The following TMEM94 variants were observed in gnomAD, a reference collection of about 807,000 sequenced individuals.
TMEM94 encodes ER Mg2+ ATPase.
Under a neutral mutation model 158.6 loss-of-function variants are expected in TMEM94, and 81 were observed. The observed-to-expected ratio is 0.51, with a 90% CI of 0.43 to 0.61. The LOEUF (loss-of-function observed/expected upper bound fraction) is 0.61. TMEM94 is among the 20% of genes least tolerant of loss of function. TMEM94 has a pLI of 0.00. For missense variants in TMEM94, 1,435 were observed against 1,762.0 expected (o/e 0.81, Z 3.32); for synonymous variants, 751 against 730.7 (o/e 1.03, Z -0.45).
Position 75,489,963 on chromosome 17 carries a change from C to T in TMEM94, c.955-271C>T. 2 of 567,904 alleles carry T rather than the reference C, an allele frequency of 3.5e-6. No individual in the cohort carries two copies. The highest frequency in any genetic ancestry group is 6.3e-6 in the Non-Finnish European group (2 of 319,078). 35.2% of individuals were successfully genotyped at this position (567,904 alleles called of 1,614,324 possible). A position where few individuals can be genotyped will look rare whatever the true frequency, so the allele number is the denominator to read the frequency against. On this transcript the variant is annotated intron_variant, in intron 9 of 31. Transcript: ENST00000314256. The surrounding 1 kb of genome is among the most constrained non-coding windows in gnomAD (Gnocchi z 5.0). ...GCGTGGTGGCACGTGCCTGTGGTCCCAGCCATTCAGGTGGCTGAGGTGGGA... is the reference window on the plus strand; with the variant it reads ...GCGTGGTGGCACGTGCCTGTGGTCCTAGCCATTCAGGTGGCTGAGGTGGGA...
chr17:75,478,150 G>A (rs1268820094), intron 2 of TMEM94, among the ~76,000 whole-genome samples: 1 of 127,146 alleles, frequency 7.9e-6, no homozygotes, highest in African/African-American at 2.9e-5. Context: ...CAAGTAGCTG[G>A]GACGACAGGC....
At chr17:75,476,167 G>A (rs944945222) in intron 2 of TMEM94, among the ~76,000 whole-genome samples, 1 of 152,138 alleles carries the variant, frequency 6.6e-6, no homozygotes, top group African/African-American at 2.4e-5. Flanking sequence ...CAGGTAGTTT[G>A]GGAAGAGAGC....
Position 75,496,796 on chromosome 17 carries a change from G to A in TMEM94, c.3310G>A (p.Val1104Met). Residue 1104 changes from valine (V) to methionine (M), a missense_variant, in exon 25 of 32, where the codon GTG becomes ATG. By Grantham distance (21) the Val-to-Met change is conservative. Coordinates refer to ENST00000314256, the MANE Select transcript of TMEM94 (RefSeq NM_014738.6). The part of the protein sequence containing the change: ...LFLLQCQLTL[V>M]VIQFLSCLVQ... ...CCTGCTGCAGTGCCAGCTGACTCTT[G>A]TGGTCATCCAGGTGAGGTGGGGCCC... The A allele has an allele frequency of 2.5e-6, 4 of 1,613,720 alleles. No individual in the cohort carries two copies. The highest frequency in any genetic ancestry group is 1.3e-5 in the African/African-American group (1 of 75,050).
At position 75,494,920 on chromosome 17, in the gene TMEM94, G is replaced by A. The variant is rs2052540761; in HGVS notation, c.2614G>A (p.Glu872Lys). ...GGTGTTTGCAGAAAAAATGGGCCTGGAGACAGGCTGGAACTGCCACATCTC... is the reference window on the plus strand; with the variant it reads ...GGTGTTTGCAGAAAAAATGGGCCTGAAGACAGGCTGGAACTGCCACATCTC... ...SKVFAEKMGL[E>K]TGWNCHISLT... The change falls in exon 20 of 32, where the codon GAG (glutamate) becomes AAG (lysine). Residue 872 changes from glutamate to lysine, a missense_variant. Coordinates refer to ENST00000314256, the MANE Select transcript of TMEM94 (RefSeq NM_014738.6). 6.2e-7 allele frequency: 1 copy of A among 1,613,398 alleles called. No homozygotes were observed.
rs761375727 is a variant in TMEM94 at position 75,492,918 on chromosome 17, C to T, written c.1913-11C>T. The T allele has an allele frequency of 2.5e-6, 4 of 1,607,842 alleles. No individual in the cohort carries two copies. The African/African-American group carries it at 4.0e-5, about 16-fold the overall frequency. ...GGGCATGGCCCTAAGTTCCTGTTCC[C>T]CGCCCTGCAGGCTTCACTCCTGGGG... is the stretch of plus-strand genomic sequence containing the variant. On this transcript the variant is annotated splice_polypyrimidine_tract_variant and intron_variant, in intron 15 of 31. Coordinates refer to ENST00000314256, the MANE Select transcript of TMEM94 (RefSeq NM_014738.6). The surrounding 1 kb of genome is among the most constrained non-coding windows in gnomAD (Gnocchi z 4.4).
intron 1 of TMEM94, among the ~76,000 whole-genome samples, chr17:75,463,650 T>C (rs2050190381): frequency 6.6e-6 from 1 of 152,180 alleles, no homozygotes; most frequent in Non-Finnish European, 1.5e-5. Flanking sequence ...TTTGTGGTAG[T>C]TTTATACAGT....
At position 75,495,255 on chromosome 17, in the gene TMEM94, A is replaced by C; in HGVS notation, c.2729-29A>C. 1 of 1,549,530 alleles carries C rather than the reference A, an allele frequency of 6.5e-7. No homozygotes were observed. The highest frequency in any genetic ancestry group is 8.8e-7 in the Non-Finnish European group (1 of 1,133,718). Reference sequence around the variant, plus strand: ...ACAGGTTCCCAGAAGGCTGGTCCCAAGGTGAGGGAGAGGCTTTTGTCCCCA... The same window carrying C: ...ACAGGTTCCCAGAAGGCTGGTCCCACGGTGAGGGAGAGGCTTTTGTCCCCA... On this transcript the variant is annotated intron_variant, in intron 20 of 31. Transcript: ENST00000314256. This position sits in a 1 kb window ranked among gnomAD's most constrained non-coding sequence, Gnocchi z 5.6.
intron 1 of TMEM94, among the ~76,000 whole-genome samples, chr17:75,458,065 T>C (rs2049948000): frequency 6.6e-6 from 1 of 152,184 alleles, no homozygotes; most frequent in Admixed American, 6.5e-5. Context: ...TAATATTCAT[T>C]GTAGTCTCTG....
In TMEM94 at chr17:75,499,277, CCAGAAGCGA is replaced by C. The variant is rs1199780221; in HGVS notation, c.4022_4030del (p.Arg1341_Lys1343del). 6.2e-7 allele frequency: 1 copy of C among 1,613,702 alleles called. No individual in the cohort carries two copies. The highest frequency in any genetic ancestry group is 1.1e-5 in the South Asian group (1 of 91,088). ...GCCCCACCAGGGTCCGAGTCCGCTA[CCAGAAGCGA>C]CAGAAGCTGCAGTTTGAAACTAAGC... is the stretch of plus-strand genomic sequence containing the variant. On this transcript the variant is annotated inframe_deletion, in exon 32 of 32. Coordinates refer to ENST00000314256, the MANE Select transcript of TMEM94 (RefSeq NM_014738.6).
At chr17:75,472,075 G>A (rs894442103) in intron 2 of TMEM94, 146 bp downstream of exon 2, 8 of 708,448 alleles carry the variant, frequency 1.1e-5, no homozygotes, top group Admixed American at 2.3e-5. Context: ...TGGGGGATGC[G>A]ACTGTGACCT....
rs951077063 is a variant in TMEM94 at position 75,490,269 on chromosome 17, T to C, written c.990T>C (p.Phe330=). 2 of 1,613,976 alleles carry C rather than the reference T, an allele frequency of 1.2e-6. No homozygotes were observed. The highest frequency in any genetic ancestry group is 2.7e-5 in the African/African-American group (2 of 74,932). The change falls in exon 10 of 32, where the codon TTT becomes TTC. Residue 330 remains phenylalanine (F), a synonymous_variant. Coordinates refer to ENST00000314256, the MANE Select transcript of TMEM94 (RefSeq NM_014738.6). ...TCCTGCCCATCCTCCCCCTGCTCTT[T>C]CCAGTCCTCTGGGTTCTGGCAACTG... The part of the protein sequence containing the change: ...NGVLPILPLL[F]PVLWVLATAC...
intron 2 of TMEM94, among the ~76,000 whole-genome samples, chr17:75,484,898 CATG>C (rs1451213975): frequency 6.6e-5 from 10 of 152,078 alleles, no homozygotes; most frequent in East Asian, 2.0e-4. Flanking sequence ...ATTAGCCCGA[CATG>C]GTGGTGTGTG....
In TMEM94 at chr17:75,494,988, C is replaced by T. The variant is rs769396653; in HGVS notation, c.2682C>T (p.Pro894=). 8 of 1,613,324 alleles carry T rather than the reference C, an allele frequency of 5.0e-6. No homozygotes were observed. Among genetic ancestry groups the T allele is most frequent in the African/African-American group, 1.3e-5 (1 of 74,924 alleles). ...NGDMPGSEIP[P]SSPSHAGSLH... ...ACATGCCTGGCTCCGAGATCCCCCCCTCCAGCCCCAGCCACGCAGGCTCCC... is the reference window on the plus strand; with the variant it reads ...ACATGCCTGGCTCCGAGATCCCCCCTTCCAGCCCCAGCCACGCAGGCTCCC... The change falls in exon 20 of 32, where the codon CCC becomes CCT. Residue 894 remains proline, a synonymous_variant. Transcript: ENST00000314256.
At chr17:75,486,196 G>C in intron 4 of TMEM94, 94 bp from the exon 5 acceptor site, 1 of 1,555,562 alleles carries the variant, frequency 6.4e-7, no homozygotes, top group Non-Finnish European at 8.7e-7. Context: ...CTTTCCACAA[G>C]GGACTGGGGT....
At chr17:75,469,135 C>T (rs1313293814) in intron 1 of TMEM94, among the ~76,000 whole-genome samples, 1 of 152,004 alleles carries the variant, frequency 6.6e-6, no homozygotes, top group Admixed American at 6.6e-5. Context: ...TGCTCAGGTG[C>T]CTGTTGAGCA....
chr17:75,476,811 C>A, intron 2 of TMEM94: 1 of 1,532,054 alleles, frequency 6.5e-7, no homozygotes, highest in South Asian at 1.2e-5. Flanking sequence ...GTGTGGGAGT[C>A]TTCGGGTTAG....
At chr17:75,476,859 G>A (rs2050718532) in intron 2 of TMEM94, 2 of 1,457,388 alleles carry the variant, frequency 1.4e-6, no homozygotes, top group East Asian at 5.0e-5. Flanking sequence ...TGCAAAATGG[G>A]AGGCTGCTTG....
At chr17:75,462,667 A>AC (rs1199907757) in intron 1 of TMEM94, among the ~76,000 whole-genome samples, 3 of 150,570 alleles carry the variant, frequency 2.0e-5, no homozygotes, top group East Asian at 2.0e-4. Context: ...CATAAGTGAG[A>AC]CCCCATCTCT....
intron 2 of TMEM94, among the ~76,000 whole-genome samples, chr17:75,477,356 G>T (rs918461937): frequency 6.6e-6 from 1 of 152,194 alleles, no homozygotes; most frequent in Non-Finnish European, 1.5e-5. Context: ...TTCGGGCATT[G>T]TGTGGAGTCC....
Sources: gnomAD v4.1 joint callset for allele counts (sites outside exome capture counted in the v4.1 genomes callset) on GRCh38, gnomAD v4.1.1 for gene constraint, Gnocchi (gnomAD v3.1) non-coding constraint, MANE v1.5 for transcripts, NCBI Gene and HGNC (gene_info 2026-07-23, HGNC 2026-07-21) for gene names.